CCT3: variants seen among roughly 807,000 people sequenced by gnomAD.
CCT3 encodes the protein T-complex protein 1 subunit gamma.
CCT3 carries 10 observed loss-of-function variants against 65.3 expected under a neutral mutation model. That is an observed-to-expected ratio of 0.15 (90% CI 0.09 to 0.26). The LOEUF (loss-of-function observed/expected upper bound fraction) is 0.26, where lower values mean the gene tolerates loss of function less well. CCT3 is among the 10% of genes least tolerant of loss of function. The pLI, the probability that CCT3 is intolerant of heterozygous loss-of-function variation, is 1.00. For missense variants in CCT3, 626 were observed against 708.7 expected, an observed-to-expected ratio of 0.88 and a Z score of 1.33; for synonymous variants, 225 against 242.3, an observed-to-expected ratio of 0.93 and a Z score of 0.66.
rs542700328 is a variant in CCT3 at position 156,317,528 on chromosome 1, C to T, written c.779G>A (p.Arg260Gln). The T allele has an allele frequency of 5.0e-6, 8 of 1,613,298 alleles. No individual in the cohort carries two copies. Among genetic ancestry groups the T allele is most frequent in the East Asian group, 2.2e-5 (1 of 44,886 alleles). Residue 260 changes from arginine to glutamine, a missense_variant, in exon 9 of 14, where the codon CGA becomes CAA. Transcript: ENST00000295688. Reference protein sequence around the residue: ...GESQTDIEITREEDFTRILQM... With the variant: ...GESQTDIEITQEEDFTRILQM... ...GAGAATTCGGGTGAAGTCCTCCTCTCGTGTAATCTCAATGTCAGTCTGTGT... is the reference window on the plus strand; with the variant it reads ...GAGAATTCGGGTGAAGTCCTCCTCTTGTGTAATCTCAATGTCAGTCTGTGT...
At chr1:156,337,284 T>C in intron 1 of CCT3, 1 of 314,166 alleles carries the variant, frequency 3.2e-6, no homozygotes, top group Non-Finnish European at 6.1e-6. Context: ...GGCGCGCGCC[T>C]GTACTCCCAG....
chr1:156,335,074 T>G, intron 2 of CCT3, 156 bp from the exon 3 acceptor site: 1 of 620,828 alleles, frequency 1.6e-6, no homozygotes. Flanking sequence ...TCTCACCATG[T>G]TGCTCGGGCT....
In CCT3 at chr1:156,323,158, T is replaced by C. The variant is rs559410759; in HGVS notation, c.422+1814A>G. Among the ~76,000 whole-genome samples, 168 of 151,914 alleles carry C rather than the reference T, an allele frequency of 1.1e-3. 1 individual carries two copies. Among genetic ancestry groups the C allele is most frequent in the East Asian group, 1.6e-3 (8 of 5,128 alleles). On this transcript the variant is annotated intron_variant, in intron 6 of 13. Transcript: ENST00000295688. ...CCTGTCTCTACTAAAAATACAAAAT[T>C]AGCCGGATGTGGATGCACATGCCTG...
chr1:156,338,263 C>G lies in CCT3; in HGVS notation c.-79G>C. 1.4e-6 allele frequency: 2 copies of G among 1,464,238 alleles called. No individual in the cohort carries two copies. The highest frequency in any genetic ancestry group is 9.4e-7 in the Non-Finnish European group (1 of 1,067,782). 90.7% of individuals were successfully genotyped at this position (1,464,238 alleles called of 1,614,324 possible). On this transcript the variant is annotated 5_prime_UTR_variant, in exon 1 of 14. Transcript: ENST00000295688. The stretch of plus-strand genomic sequence containing the variant: ...CTGGAGAGAGAGAACCAGACAGAAG[C>G]CCAGAAAACGCTGCCTCCTCAGGGC...
chr1:156,322,475 AAC>A (rs1478949640), intron 6 of CCT3, among the ~76,000 whole-genome samples: 2 of 151,990 alleles, frequency 1.3e-5, no homozygotes, highest in Non-Finnish European at 2.9e-5. Flanking sequence ...CAGCCTGGAA[AAC>A]AGAGCGAGAC....
chr1:156,335,636 A>C, intron 2 of CCT3, 191 bp downstream of exon 2: 1 of 529,432 alleles, frequency 1.9e-6, no homozygotes, highest in Non-Finnish European at 3.4e-6. Flanking sequence ...GAAGATTATC[A>C]GTCCTAACTC....
intron 10 of CCT3, among the ~76,000 whole-genome samples, chr1:156,312,738 C>T (rs1231697353): frequency 3.9e-5 from 6 of 152,126 alleles, no homozygotes; most frequent in Admixed American, 2.0e-4. Context: ...AGCACTGCAG[C>T]TATGCCAGCA....
intron 5 of CCT3, among the ~76,000 whole-genome samples, chr1:156,328,622 G>A (rs1432507517): frequency 3.3e-5 from 5 of 151,838 alleles, no homozygotes; most frequent in Non-Finnish European, 2.9e-5. Flanking sequence ...TAAGGGCGGT[G>A]CAAGATGTGC....
At chr1:156,335,986 A>G (rs1174579301) in intron 1 of CCT3, 98 bp from the exon 2 acceptor site, 5 of 925,370 alleles carry the variant, frequency 5.4e-6, no homozygotes, top group Non-Finnish European at 8.7e-6. Flanking sequence ...TGCAGGTTTC[A>G]TGGTATATCC....
intron 8 of CCT3, 134 bp from the exon 9 acceptor site, chr1:156,317,681 A>C (rs1570918719): frequency 2.7e-6 from 2 of 751,912 alleles, no homozygotes; most frequent in Non-Finnish European, 2.1e-6. Flanking sequence ...TGACCTCAAC[A>C]CCTCTGTAAG....
At chr1:156,322,926 A>T (rs948229636) in intron 6 of CCT3, among the ~76,000 whole-genome samples, 2 of 152,216 alleles carry the variant, frequency 1.3e-5, no homozygotes, top group African/African-American at 4.8e-5. Flanking sequence ...ACATTCTCAC[A>T]GAGCTTACTG....
In CCT3 at chr1:156,337,998, AAG is replaced by A. The variant is rs550162518; in HGVS notation, c.31+154_31+155del. ...TGCAGAGAAGCGAACAGGTTAAGAG[AAG>A]AGAGGAAAGCGGGACACTGGGCTTC... On this transcript the variant is annotated intron_variant, in intron 1 of 13. Coordinates refer to ENST00000295688, the MANE Select transcript of CCT3 (RefSeq NM_005998.5). Among the ~76,000 whole-genome samples the A allele has an allele frequency of 2.9e-3, 449 of 152,254 alleles. 2 individuals carry two copies. Among genetic ancestry groups the A allele is most frequent in the African/African-American group, 0.01 (420 of 41,536 alleles).
At position 156,328,285 on chromosome 1, in the gene CCT3, G is replaced by A. The variant is rs1295231434; in HGVS notation, c.305-3196C>T. ...CCGCCCCATCCGGGAGGTGAGGGGC[G>A]CTTCTGCCCGGCTGCCCCTACTGGG... is the stretch of plus-strand genomic sequence containing the variant. On this transcript the variant is annotated intron_variant, in intron 5 of 13. Coordinates refer to ENST00000295688, the MANE Select transcript of CCT3 (RefSeq NM_005998.5). Among the ~76,000 whole-genome samples the A allele has an allele frequency of 4.7e-5, 7 of 149,390 alleles. No individual in the cohort carries two copies. In the East Asian group the frequency reaches 1.0e-3, roughly 22 times the overall value.
rs573299160 is a variant in CCT3, at chr1:156,326,749, T to C, written c.305-1660A>G. Reference sequence around the variant, plus strand: ...GTAAAACATCTCCTTCTTTTAAAATTTGTCTTTACTTTCTGGCTGGGAATG... The same window carrying C: ...GTAAAACATCTCCTTCTTTTAAAATCTGTCTTTACTTTCTGGCTGGGAATG... On this transcript the variant is annotated intron_variant, in intron 5 of 13. Transcript: ENST00000295688. Among the ~76,000 whole-genome samples the C allele has an allele frequency of 2.0e-4, 31 of 152,056 alleles. No individual in the cohort carries two copies. In the South Asian group the frequency reaches 5.6e-3, roughly 28 times the overall value.
chr1:156,322,144 G>A (rs1311393073), intron 6 of CCT3, among the ~76,000 whole-genome samples: 2 of 152,172 alleles, frequency 1.3e-5, no homozygotes, highest in East Asian at 3.8e-4. Context: ...GGGAAGCTGG[G>A]GCAGGATTGC....
At chr1:156,333,042 T>G (rs1665173629) in intron 5 of CCT3, 1 of 178,378 alleles carries the variant, frequency 5.6e-6, no homozygotes, top group South Asian at 9.7e-5. Flanking sequence ...ACGCCTGTAA[T>G]CCCAGCACTT....
intron 11 of CCT3, 68 bp downstream of exon 11, chr1:156,311,973 C>A (rs1379532948): frequency 5.4e-6 from 7 of 1,285,588 alleles, no homozygotes; most frequent in Non-Finnish European, 6.3e-6. Context: ...TTATTTTAGG[C>A]CCTTTGGGAA....
At chr1:156,327,111 T>A (rs1025119757) in intron 5 of CCT3, among the ~76,000 whole-genome samples, 2 of 152,148 alleles carry the variant, frequency 1.3e-5, no homozygotes, top group Non-Finnish European at 2.9e-5. Flanking sequence ...AACATATACA[T>A]AGATGCAAAC....
At chr1:156,315,412 T>G (rs1664266970) in intron 10 of CCT3, among the ~76,000 whole-genome samples, 1 of 152,222 alleles carries the variant, frequency 6.6e-6, no homozygotes, top group East Asian at 1.9e-4. Flanking sequence ...TTTCACCATG[T>G]TGGCCAGGCT....
Sources: gnomAD v4.1 joint callset for allele counts (sites outside exome capture counted in the v4.1 genomes callset) on GRCh38, gnomAD v4.1.1 for gene constraint, MANE v1.5 for transcripts, NCBI Gene and HGNC (gene_info 2026-07-23, HGNC 2026-07-21) for gene names.